The following ZNF277 variants were observed in gnomAD, a reference collection of about 807,000 sequenced individuals.
The protein encoded by ZNF277 is zinc finger protein 277.
Under a neutral mutation model 60.7 loss-of-function variants are expected in ZNF277, and 55 were observed. The observed-to-expected ratio is 0.91, with a 90% CI of 0.73 to 1.13. The LOEUF is 1.13. ZNF277 is among the 50% of genes most tolerant of loss of function. ZNF277 has a pLI of 0.00. For missense variants in ZNF277, 510 were observed against 523.0 expected (o/e 0.98, Z 0.24); for synonymous variants, 178 against 179.3 (o/e 0.99, Z 0.06).
intron 1 of ZNF277, among the ~76,000 whole-genome samples, chr7:112,235,344 C>A (rs1822460160): frequency 6.6e-6 from 1 of 152,064 alleles, no homozygotes; most frequent in Non-Finnish European, 1.5e-5. Flanking sequence ...AACTGTCAAA[C>A]TGTTATAAAA....
Position 112,243,902 on chromosome 7 carries a change from G to A in ZNF277, c.91+37095G>A, listed in dbSNP as rs147128037. On this transcript the variant is annotated intron_variant, in intron 1 of 11. Coordinates refer to ENST00000361822, the MANE Select transcript of ZNF277 (RefSeq NM_021994.3). ...TAGCAAAGCATTGGAATAAACCTAC[G>A]CGTCCATCAATGGATGATTGGATAA... 4.3e-4 allele frequency among the ~76,000 whole-genome samples: 66 copies of A among 152,100 alleles called. 1 individual carries two copies. Among genetic ancestry groups the A allele is most frequent in the South Asian group, 8.3e-4 (4 of 4,824 alleles).
intron 1 of ZNF277, among the ~76,000 whole-genome samples, chr7:112,271,851 G>A (rs1361118887): frequency 6.6e-6 from 1 of 151,928 alleles, no homozygotes; most frequent in Non-Finnish European, 1.5e-5. Context: ...GGATAAATGA[G>A]ATATTTGGAT....
rs1210193474 is a variant in ZNF277 at position 112,295,882 on chromosome 7, T to C, written c.307T>C (p.Trp103Arg). The C allele has an allele frequency of 6.2e-7, 1 of 1,611,816 alleles. No individual in the cohort carries two copies. The highest frequency in any genetic ancestry group is 8.5e-7 in the Non-Finnish European group (1 of 1,178,372). ...TGTTGTTCTAAGGTACATTTTATAT[T>C]GGAGGAAAAGGTTCACTGAACAGCC... ...VADFQRYILY[W>R]RKRFTEQPIT... Residue 103 changes from tryptophan (W) to arginine (R), a missense_variant, in exon 3 of 12, where the codon TGG becomes CGG. Transcript: ENST00000361822.
intron 4 of ZNF277, among the ~76,000 whole-genome samples, chr7:112,307,209 A>G (rs934750723): frequency 6.6e-6 from 1 of 151,622 alleles, no homozygotes; most frequent in Non-Finnish European, 1.5e-5. Flanking sequence ...CCATGGGGGG[A>G]GTTGGACCCC....
chr7:112,319,576 C>T (rs1584407332), intron 5 of ZNF277, among the ~76,000 whole-genome samples: 1 of 150,626 alleles, frequency 6.6e-6, no homozygotes, highest in East Asian at 1.9e-4. Context: ...AGCACAGTAA[C>T]TGACATTGTT....
Position 112,342,887 on chromosome 7 carries a change from T to A in ZNF277, c.*158T>A. ...AAAAATGAATGTTCTTTTCAAAAAA[T>A]AAAGTAGAAAAATGCACTTACTAAG... On this transcript the variant is annotated 3_prime_UTR_variant, in exon 12 of 12. Transcript: ENST00000361822. 3.7e-6 allele frequency: 2 copies of A among 537,846 alleles called. No individual in the cohort carries two copies. The highest frequency in any genetic ancestry group is 5.5e-5 in the South Asian group (1 of 18,256). The allele number at this position is 537,846 out of a possible 1,614,324, so 33.3% of individuals were successfully genotyped here. A position where few individuals can be genotyped will look rare whatever the true frequency, so the allele number is the denominator to read the frequency against.
At chr7:112,316,710 T>C (rs1398394329) in intron 4 of ZNF277, among the ~76,000 whole-genome samples, 1 of 152,064 alleles carries the variant, frequency 6.6e-6, no homozygotes, top group Non-Finnish European at 1.5e-5. Flanking sequence ...GATGGGAGTA[T>C]AAATTAGTTC....
chr7:112,323,985 A>G (rs548853819), intron 5 of ZNF277, among the ~76,000 whole-genome samples: 1 of 152,214 alleles, frequency 6.6e-6, no homozygotes, highest in Non-Finnish European at 1.5e-5. Flanking sequence ...AGTACATGAA[A>G]TAATATTTTA....
chr7:112,296,937 T>A (rs1403348176), intron 4 of ZNF277, among the ~76,000 whole-genome samples: 6,895 of 100,748 alleles, frequency 0.068, 887 homozygotes, highest in African/African-American at 0.2. Flanking sequence ...TTTTTTTTTT[T>A]TTTTTTTTGA....
chr7:112,310,466 A>AGG (rs1792698156), intron 4 of ZNF277, among the ~76,000 whole-genome samples: 1 of 145,716 alleles, frequency 6.9e-6, no homozygotes, highest in Admixed American at 6.7e-5. Context: ...AGAGAGAGAG[A>AGG]GAGAGAGAGA....
In ZNF277 at chr7:112,341,124, T is replaced by A. The variant is rs1287267951; in HGVS notation, c.1184+78T>A. ...TCCCTTTATTTAATTTCTTTAAGCC[T>A]ACAGAAAAAAAAGGAATACATATTT... is the stretch of plus-strand genomic sequence containing the variant. On this transcript the variant is annotated intron_variant, in intron 11 of 11. Transcript: ENST00000361822. 4 of 1,354,082 alleles carry A rather than the reference T, an allele frequency of 3.0e-6. No homozygotes were observed. In the African/African-American group the frequency reaches 6.2e-5, roughly 21 times the overall value. The allele number at this position is 1,354,082 out of a possible 1,614,324, so 83.9% of individuals were successfully genotyped here.
intron 1 of ZNF277, among the ~76,000 whole-genome samples, chr7:112,213,459 A>G (rs1486162212): frequency 6.6e-6 from 1 of 152,206 alleles, no homozygotes; most frequent in Non-Finnish European, 1.5e-5. Flanking sequence ...TTTAGAGAAG[A>G]GCTCTTATTA....
chr7:112,334,611 T>G (rs10224887), intron 7 of ZNF277, among the ~76,000 whole-genome samples: 1 of 151,932 alleles, frequency 6.6e-6, no homozygotes, highest in Non-Finnish European at 1.5e-5. Flanking sequence ...CATATTGTAC[T>G]CAACACTGAG....
At chr7:112,273,415 G>A (rs1008141451) in intron 1 of ZNF277, among the ~76,000 whole-genome samples, 1 of 152,184 alleles carries the variant, frequency 6.6e-6, no homozygotes, top group South Asian at 2.1e-4. Context: ...AGGCCACATG[G>A]CCACTGCTGG....
chr7:112,296,154 T>C, intron 3 of ZNF277, 75 bp from the exon 4 acceptor site: 1 of 1,149,282 alleles, frequency 8.7e-7, no homozygotes, highest in South Asian at 1.3e-5. Context: ...ATCTGTATTT[T>C]TTAAGAAATA....
chr7:112,284,745 C>A (rs1349764901), intron 1 of ZNF277, among the ~76,000 whole-genome samples: 1 of 152,158 alleles, frequency 6.6e-6, no homozygotes, highest in African/African-American at 2.4e-5. Context: ...ATTTAGCATA[C>A]TTTAATGTGA....
intron 4 of ZNF277, 31 bp downstream of exon 4, chr7:112,296,342 T>C: frequency 8.4e-7 from 1 of 1,189,982 alleles, no homozygotes; most frequent in Non-Finnish European, 1.2e-6. Context: ...GTGAATAGTG[T>C]CTTGAAAATA....
intron 1 of ZNF277, among the ~76,000 whole-genome samples, chr7:112,220,310 T>C (rs1203845620): frequency 6.6e-6 from 1 of 152,114 alleles, no homozygotes; most frequent in Non-Finnish European, 1.5e-5. Flanking sequence ...GGCAAGATTG[T>C]AAATGGTATT....
At chr7:112,339,806 A>C (rs757316615) in intron 9 of ZNF277, 37 bp from the exon 10 acceptor site, 13 of 1,588,768 alleles carry the variant, frequency 8.2e-6, no homozygotes, top group Non-Finnish European at 2.6e-6. Flanking sequence ...AGATTAAATA[A>C]TTCATATGCT....
Sources: allele counts gnomAD v4.1 joint callset (sites outside exome capture counted in the v4.1 genomes callset), GRCh38; gene constraint gnomAD v4.1.1; transcripts MANE v1.5; gene names NCBI Gene and HGNC (gene_info 2026-07-23, HGNC 2026-07-21).